Variants in PCSK9 observed in about 807,000 individuals in gnomAD.
PCSK9 encodes proprotein convertase subtilisin/kexin type 9, also known as convertase subtilisin/kexin type 9 preproprotein.
Under a neutral mutation model 62.1 loss-of-function variants are expected in PCSK9, and 57 were observed. The ratio of observed to expected loss-of-function variants is 0.92; its 90% confidence interval spans 0.74 to 1.14. PCSK9 has a LOEUF of 1.14. PCSK9 is among the 50% of genes most tolerant of loss of function. The pLI, the probability that PCSK9 is intolerant of heterozygous loss-of-function variation, is 0.00. For synonymous variants in PCSK9, 387 were observed against 409.4 expected (o/e 0.95, Z 0.66); for missense variants, 870 against 959.8 (o/e 0.91, Z 1.24).
At chr1:55,057,969 C>T (rs982642547) in intron 7 of PCSK9, 67 bp from the exon 8 acceptor site, 9 of 1,590,962 alleles carry the variant, frequency 5.7e-6, no homozygotes, top group South Asian at 2.2e-5. Flanking sequence ...TGTGCACTGG[C>T]AGGAGTCCCC....
At chr1:55,058,374 C>A in intron 8 of PCSK9, 125 bp from the exon 9 acceptor site, 7 of 1,537,196 alleles carry the variant, frequency 4.6e-6, no homozygotes, top group Non-Finnish European at 6.3e-6. Flanking sequence ...ATTTTCATAA[C>A]GTGTTTTTAT....
rs1474074355 is a variant in PCSK9, at chr1:55,043,896, C to T, written c.261C>T (p.His87=). 2 of 1,614,194 alleles carry T rather than the reference C, an allele frequency of 1.2e-6. No individual in the cohort carries two copies. The highest frequency in any genetic ancestry group is 8.5e-7 in the Non-Finnish European group (1 of 1,180,044). Residue 87 remains histidine, a synonymous_variant, in exon 2 of 12, where the codon CAC becomes CAT. Coordinates refer to ENST00000302118, the MANE Select transcript of PCSK9 (RefSeq NM_174936.4). ...TGGTGGTGCTGAAGGAGGAGACCCACCTCTCGCAGTCAGAGCGCACTGCCC... is the reference window on the plus strand; with the variant it reads ...TGGTGGTGCTGAAGGAGGAGACCCATCTCTCGCAGTCAGAGCGCACTGCCC... ...TYVVVLKEET[H]LSQSERTARR...
intron 4 of PCSK9, 86 bp from the exon 5 acceptor site, chr1:55,052,564 G>A: frequency 1.2e-6 from 2 of 1,604,532 alleles, no homozygotes; most frequent in South Asian, 1.1e-5. Flanking sequence ...GTTGTGGGAA[G>A]GGCGTTCATC....
Position 55,040,048 on chromosome 1 carries a change from C to T in PCSK9, c.207+4C>T. 1 of 1,558,820 alleles carries T rather than the reference C, an allele frequency of 6.4e-7. No homozygotes were observed. Among genetic ancestry groups the T allele is most frequent in the South Asian group, 1.2e-5 (1 of 84,548 alleles). ...CACCTTCCACCGCTGCGCCAAGGTG[C>T]GGGTGTAGGGATGGGAGGCCGGGGC... is the stretch of plus-strand genomic sequence containing the variant. On this transcript the variant is annotated splice_donor_region_variant and intron_variant, in intron 1 of 11. Coordinates refer to ENST00000302118, the MANE Select transcript of PCSK9 (RefSeq NM_174936.4). This position sits in a 1 kb window ranked among gnomAD's most constrained non-coding sequence, Gnocchi z 4.1.
intron 4 of PCSK9, 114 bp downstream of exon 4, chr1:55,052,525 C>CA (rs112096465): frequency 4.6e-6 from 7 of 1,535,784 alleles, no homozygotes; most frequent in Admixed American, 3.5e-5. Context: ...GCACCCCCCC[C>CA]AGCTGTCACT....
chr1:55,051,849 C>G, intron 3 of PCSK9: 1 of 287,388 alleles, frequency 3.5e-6, no homozygotes, highest in Non-Finnish European at 6.7e-6. Flanking sequence ...GCGCAGGTGG[C>G]CAGACATCAC....
At chr1:55,061,197 C>T (rs978559400) in intron 10 of PCSK9, among the ~76,000 whole-genome samples, 178 bp from the exon 11 acceptor site, 5 of 152,242 alleles carry the variant, frequency 3.3e-5, no homozygotes, top group African/African-American at 1.2e-4. Context: ...TGGTCAGCTG[C>T]AGAGTTGAGA....
intron 3 of PCSK9, among the ~76,000 whole-genome samples, chr1:55,050,525 G>A (rs1644665309): frequency 6.6e-6 from 1 of 152,230 alleles, no homozygotes; most frequent in African/African-American, 2.4e-5. Context: ...CCTGGGAGGA[G>A]AGGCAGACTG....
In PCSK9 at chr1:55,043,888, G is replaced by A. The variant is rs774506287; in HGVS notation, c.253G>A (p.Glu85Lys). The A allele has an allele frequency of 4.3e-6, 7 of 1,614,216 alleles. No homozygotes were observed. The East Asian group carries it at 1.3e-4, about 31-fold the overall frequency. ...PGTYVVVLKE[E>K]THLSQSERTA... ...CACCTACGTGGTGGTGCTGAAGGAG[G>A]AGACCCACCTCTCGCAGTCAGAGCG... The change falls in exon 2 of 12, where the codon GAG (glutamate) becomes AAG (lysine). Residue 85 changes from glutamate to lysine, a missense_variant. Glu to Lys is a moderately conservative substitution (Grantham distance 56, BLOSUM62 1). Coordinates refer to ENST00000302118, the MANE Select transcript of PCSK9 (RefSeq NM_174936.4).
Position 55,056,073 on chromosome 1 carries a change from A to C in PCSK9, c.880A>C (p.Ser294Arg). ...GCTGCTGCCCCTGGCGGGTGGGTAC[A>C]GCCGCGTCCTCAACGCCGCCTGCCA... ...VVLLPLAGGY[S>R]RVLNAACQRL... The change falls in exon 6 of 12, where the codon AGC becomes CGC. Residue 294 changes from serine (S) to arginine (R), a missense_variant. Coordinates refer to ENST00000302118, the MANE Select transcript of PCSK9 (RefSeq NM_174936.4). 1 of 1,599,784 alleles carries C rather than the reference A, an allele frequency of 6.3e-7. No individual in the cohort carries two copies. Among genetic ancestry groups the C allele is most frequent in the Non-Finnish European group, 8.5e-7 (1 of 1,170,944 alleles).
intron 5 of PCSK9, among the ~76,000 whole-genome samples, chr1:55,053,170 A>G (rs1644688693): frequency 6.6e-6 from 1 of 151,856 alleles, no homozygotes; most frequent in Non-Finnish European, 1.5e-5. Context: ...CTGCTTGCAT[A>G]CCTCTGAGAC....
At position 55,052,272 on chromosome 1, in the gene PCSK9, G is replaced by A. The variant is rs759475891; in HGVS notation, c.524-6G>A. 6.2e-7 allele frequency: 1 copy of A among 1,613,974 alleles called. No individual in the cohort carries two copies. The highest frequency in any genetic ancestry group is 8.5e-7 in the Non-Finnish European group (1 of 1,180,018). ...CCTCCTCTCCCACAAATGTCGCCTTGGAAAGACGGAGGCAGCCTGGTGGAG... is the reference window on the plus strand; with the variant it reads ...CCTCCTCTCCCACAAATGTCGCCTTAGAAAGACGGAGGCAGCCTGGTGGAG... On this transcript the variant is annotated splice_region_variant and splice_polypyrimidine_tract_variant and intron_variant, in intron 3 of 11. Coordinates refer to ENST00000302118, the MANE Select transcript of PCSK9 (RefSeq NM_174936.4).
At chr1:55,051,136 C>T (rs1262131300) in intron 3 of PCSK9, 1 of 456,150 alleles carries the variant, frequency 2.2e-6, no homozygotes, top group East Asian at 6.9e-5. Flanking sequence ...TGGGTACACG[C>T]CCTGAGCCTC....
intron 7 of PCSK9, 72 bp from the exon 8 acceptor site, chr1:55,057,964 A>G: frequency 6.3e-7 from 1 of 1,580,126 alleles, no homozygotes. Flanking sequence ...GCGTGTGTGC[A>G]CTGGCAGGAG....
chr1:55,049,031 T>C (rs1644655127), intron 3 of PCSK9, among the ~76,000 whole-genome samples: 1 of 152,242 alleles, frequency 6.6e-6, no homozygotes, highest in Non-Finnish European at 1.5e-5. Context: ...AGAAGATTAA[T>C]CCATTCCTTA....
Position 55,040,781 on chromosome 1 carries a change from C to T in PCSK9, c.207+737C>T, listed in dbSNP as rs1644592945. On this transcript the variant is annotated intron_variant, in intron 1 of 11. Coordinates refer to ENST00000302118, the MANE Select transcript of PCSK9 (RefSeq NM_174936.4). This position sits in a 1 kb window ranked among gnomAD's most constrained non-coding sequence, Gnocchi z 4.1. ...GGAGGTGGTGCGCCTGGTACTGGGA[C>T]CCCGGAGCTGAGCCCGGCGCCTCAG... 6.6e-6 allele frequency among the ~76,000 whole-genome samples: 1 copy of T among 152,196 alleles called. No homozygotes were observed. The highest frequency in any genetic ancestry group is 6.5e-5 in the Admixed American group (1 of 15,286).
At chr1:55,060,735 G>T (rs755447048) in intron 10 of PCSK9, among the ~76,000 whole-genome samples, 15 of 152,192 alleles carry the variant, frequency 9.9e-5, no homozygotes, top group Admixed American at 6.5e-5. Context: ...TGGACATGCT[G>T]AGTGGCTGCC....
chr1:55,040,069 G>C lies in PCSK9; in HGVS notation c.207+25G>C. On this transcript the variant is annotated intron_variant, in intron 1 of 11. Coordinates refer to ENST00000302118, the MANE Select transcript of PCSK9 (RefSeq NM_174936.4). This position sits in a 1 kb window ranked among gnomAD's most constrained non-coding sequence, Gnocchi z 4.1. ...GGTGCGGGTGTAGGGATGGGAGGCC[G>C]GGGCGAACCCGCAGCCGGGACGGTG... is the stretch of plus-strand genomic sequence containing the variant. 1 of 1,548,422 alleles carries C rather than the reference G, an allele frequency of 6.5e-7. No individual in the cohort carries two copies. The highest frequency in any genetic ancestry group is 1.4e-5 in the African/African-American group (1 of 73,202).
chr1:55,043,537 A>T (rs186969681), intron 1 of PCSK9, among the ~76,000 whole-genome samples: 1 of 152,172 alleles, frequency 6.6e-6, no homozygotes, highest in Non-Finnish European at 1.5e-5. Context: ...GGCCACCAGG[A>T]GCGACCAGGC....
Sources: gnomAD v4.1 joint callset for allele counts (sites outside exome capture counted in the v4.1 genomes callset) on GRCh38, gnomAD v4.1.1 for gene constraint, Gnocchi (gnomAD v3.1) non-coding constraint, MANE v1.5 for transcripts, NCBI Gene and HGNC (gene_info 2026-07-23, HGNC 2026-07-21) for gene names.